RALGAPA2: variants seen among roughly 807,000 people sequenced by gnomAD.
The protein encoded by RALGAPA2 is Ral GTPase activating protein catalytic subunit alpha 2.
In RALGAPA2, 139 loss-of-function variants were observed where a neutral mutation model predicts 230.4. That is an observed-to-expected ratio of 0.60 (90% CI 0.53 to 0.69). The LOEUF (loss-of-function observed/expected upper bound fraction) is 0.69, where lower values mean the gene tolerates loss of function less well. Among genes scored for constraint, RALGAPA2 ranks in the 30% least tolerant of loss-of-function variants. The pLI is 0.00. For synonymous variants in RALGAPA2, 847 were observed against 837.8 expected (o/e 1.01, Z -0.19); for missense variants, 2,163 against 2,276.0 (o/e 0.95, Z 1.01).
At chr20:20,430,622 A>T (rs2060481268) in intron 37 of RALGAPA2, among the ~76,000 whole-genome samples, 1 of 152,192 alleles carries the variant, frequency 6.6e-6, no homozygotes, top group Admixed American at 6.5e-5. Flanking sequence ...TGATGTTTCA[A>T]CTGTTTTCAC....
chr20:20,637,525 A>G (rs183928923), intron 7 of RALGAPA2, 24 bp from the exon 8 acceptor site: 40 of 1,527,248 alleles, frequency 2.6e-5, no homozygotes, highest in Admixed American at 1.7e-4. Flanking sequence ...GTGGAAAAGA[A>G]CATATGTATA....
intron 38 of RALGAPA2, among the ~76,000 whole-genome samples, chr20:20,402,657 T>C (rs778239853): frequency 5.3e-5 from 8 of 152,244 alleles, no homozygotes; most frequent in Admixed American, 1.3e-4. Context: ...GCATAACATC[T>C]GTTCATTCAC....
intron 37 of RALGAPA2, among the ~76,000 whole-genome samples, chr20:20,413,147 G>A (rs559383436): frequency 2.6e-5 from 4 of 152,250 alleles, no homozygotes; most frequent in African/African-American, 7.2e-5. Flanking sequence ...CTAATTCTCC[G>A]GGAACACAGG....
intron 1 of RALGAPA2, among the ~76,000 whole-genome samples, chr20:20,691,417 T>C (rs1478848632): frequency 6.6e-6 from 1 of 152,200 alleles, no homozygotes; most frequent in Non-Finnish European, 1.5e-5. Context: ...CAATTGAAAG[T>C]ATTTATCAGA....
chr20:20,646,450 A>G (rs963658263), intron 4 of RALGAPA2, among the ~76,000 whole-genome samples: 1 of 152,018 alleles, frequency 6.6e-6, no homozygotes, highest in Non-Finnish European at 1.5e-5. Context: ...TGGATTTTTA[A>G]ACTTCTTATT....
chr20:20,474,569 T>C (rs949449084), intron 36 of RALGAPA2, among the ~76,000 whole-genome samples: 1 of 151,892 alleles, frequency 6.6e-6, no homozygotes, highest in African/African-American at 2.4e-5. Context: ...GCAGCAGAAG[T>C]GGAGAAAGGT....
chr20:20,680,008 A>C (rs879714166), intron 2 of RALGAPA2, among the ~76,000 whole-genome samples: 4 of 152,226 alleles, frequency 2.6e-5, no homozygotes, highest in Non-Finnish European at 4.4e-5. Flanking sequence ...ACCATGGACT[A>C]TGTGTCAAAC....
At chr20:20,526,637 T>C (rs2063213000) in intron 27 of RALGAPA2, among the ~76,000 whole-genome samples, 1 of 152,250 alleles carries the variant, frequency 6.6e-6, no homozygotes, top group African/African-American at 2.4e-5. Flanking sequence ...AAAACCATAA[T>C]TCAAATTTCT....
intron 23 of RALGAPA2, among the ~76,000 whole-genome samples, chr20:20,552,538 G>A (rs1188271371): frequency 6.6e-6 from 1 of 152,116 alleles, no homozygotes; most frequent in Non-Finnish European, 1.5e-5. Context: ...GTTGGGATCT[G>A]TTTATCCCAG....
intron 15 of RALGAPA2, among the ~76,000 whole-genome samples, chr20:20,603,063 A>G (rs930424221): frequency 2.6e-5 from 4 of 152,164 alleles, no homozygotes; most frequent in Non-Finnish European, 4.4e-5. Context: ...CAGAGCTGTC[A>G]GAGAGGACTA....
Position 20,546,708 on chromosome 20 carries a change from A to G in RALGAPA2, c.3281T>C (p.Leu1094Ser). ...AAARVLSTDILTAPRSEAVTV... is the reference protein window; with the variant it reads ...AAARVLSTDISTAPRSEAVTV... ...GCTGAGCATTGTCATACTCACCGTC[A>G]AAATGTCTGTGCTAAGGACCCTGGC... is the stretch of plus-strand genomic sequence containing the variant. Residue 1094 changes from leucine to serine, a missense_variant, in exon 24 of 40, where the codon TTG (leucine) becomes TCG (serine). Transcript: ENST00000202677. 1 of 1,597,334 alleles carries G rather than the reference A, an allele frequency of 6.3e-7. No individual in the cohort carries two copies. Among genetic ancestry groups the G allele is most frequent in the South Asian group, 1.1e-5 (1 of 87,746 alleles).
At chr20:20,592,783 T>C (rs1055797233) in intron 16 of RALGAPA2, among the ~76,000 whole-genome samples, 1 of 152,198 alleles carries the variant, frequency 6.6e-6, no homozygotes, top group Non-Finnish European at 1.5e-5. Context: ...AGAAGTATGT[T>C]GGAAGATTCT....
chr20:20,635,353 T>C (rs1314571644), intron 9 of RALGAPA2, 65 bp downstream of exon 9: 1 of 1,456,374 alleles, frequency 6.9e-7, no homozygotes, highest in Admixed American at 2.0e-5. Context: ...TCAATAACTT[T>C]GGCTATGTTC....
At chr20:20,560,487 T>C (rs1346952668) in intron 23 of RALGAPA2, among the ~76,000 whole-genome samples, 2 of 152,328 alleles carry the variant, frequency 1.3e-5, no homozygotes, top group South Asian at 2.1e-4. Flanking sequence ...ATACCACTTA[T>C]TGTTATGTAT....
intron 20 of RALGAPA2, among the ~76,000 whole-genome samples, chr20:20,580,089 G>C (rs1602918755): frequency 6.6e-6 from 1 of 152,120 alleles, no homozygotes. Flanking sequence ...ATCTAAATCA[G>C]TATTTCTAGA....
chr20:20,424,065 A>G (rs1370672891), intron 37 of RALGAPA2, among the ~76,000 whole-genome samples: 1 of 152,266 alleles, frequency 6.6e-6, no homozygotes, highest in African/African-American at 2.4e-5. Context: ...CTTCCGGCAT[A>G]GGGAGCTGAA....
chr20:20,632,806 A>G (rs2146443298), intron 9 of RALGAPA2, among the ~76,000 whole-genome samples: 1 of 152,036 alleles, frequency 6.6e-6, no homozygotes, highest in East Asian at 1.9e-4. Context: ...TCCTTAGTCT[A>G]TTTTTCAGTG....
In RALGAPA2 at chr20:20,393,251, C is replaced by A. The variant is rs2059634706; in HGVS notation, c.*38G>T. ...TCAGCACTCAGACTGGAGGCCAGGGCCCCTGCAAAGGAAGCAGAGAACTGC... is the reference window on the plus strand; with the variant it reads ...TCAGCACTCAGACTGGAGGCCAGGGACCCTGCAAAGGAAGCAGAGAACTGC... On this transcript the variant is annotated splice_region_variant and 3_prime_UTR_variant, in exon 40 of 40. Transcript: ENST00000202677. 2 of 1,344,996 alleles carry A rather than the reference C, an allele frequency of 1.5e-6. No homozygotes were observed. Among genetic ancestry groups the A allele is most frequent in the African/African-American group, 1.5e-5 (1 of 67,118 alleles). The allele number at this position is 1,344,996 out of a possible 1,614,324, so 83.3% of individuals were successfully genotyped here. A position where few individuals can be genotyped will look rare whatever the true frequency, so the allele number is the denominator to read the frequency against.
intron 37 of RALGAPA2, chr20:20,471,506 C>T (rs184643412): frequency 1.4e-5 from 2 of 143,576 alleles, no homozygotes; most frequent in East Asian, 4.5e-4. Flanking sequence ...AACTGACAAA[C>T]TAATCGCTGA....
Sources: gnomAD v4.1 joint callset for allele counts (sites outside exome capture counted in the v4.1 genomes callset) on GRCh38, gnomAD v4.1.1 for gene constraint, MANE v1.5 for transcripts, NCBI Gene and HGNC (gene_info 2026-07-23, HGNC 2026-07-21) for gene names.